NBAS: variants seen among roughly 807,000 people sequenced by gnomAD.
The protein encoded by NBAS is NAG/BC035112 fusion.
NBAS carries 219 observed loss-of-function variants against 302.5 expected under a neutral mutation model. That is an observed-to-expected ratio of 0.72 (90% CI 0.65 to 0.81). NBAS has a LOEUF of 0.81. NBAS is among the 30% of genes least tolerant of loss of function. NBAS has a pLI of 0.00. For missense variants in NBAS, 2,932 were observed against 2,841.6 expected, an observed-to-expected ratio of 1.03 and a Z score of -0.72; for synonymous variants, 1,118 against 1,021.6, an observed-to-expected ratio of 1.09 and a Z score of -1.80.
intron 44 of NBAS, among the ~76,000 whole-genome samples, chr2:15,259,498 T>C (rs1052698723): frequency 6.6e-6 from 1 of 152,234 alleles, no homozygotes; most frequent in Non-Finnish European, 1.5e-5. Flanking sequence ...AACCCCTCTT[T>C]ACAGCAGTTA....
chr2:15,420,064 G>A (rs547820314), intron 23 of NBAS, among the ~76,000 whole-genome samples: 2 of 152,242 alleles, frequency 1.3e-5, no homozygotes, highest in African/African-American at 4.8e-5. Flanking sequence ...AGTATTTGGG[G>A]AGAGGGATCT....
intron 21 of NBAS, among the ~76,000 whole-genome samples, chr2:15,441,747 G>C (rs1235433096): frequency 6.6e-6 from 1 of 152,086 alleles, no homozygotes; most frequent in East Asian, 1.9e-4. Flanking sequence ...TCAGTGTGCT[G>C]TATTCAGGAA....
At chr2:14,827,435 A>G in the NBAS span, among the ~76,000 whole-genome samples, 2 of 152,138 alleles carry the variant, frequency 1.3e-5, no homozygotes, top group Non-Finnish European at 2.9e-5. Context: ...GTCCGTGGGC[A>G]TTTTTTCAGC....
At position 15,551,481 on chromosome 2, in the gene NBAS, G is replaced by C. The variant is rs756357687; in HGVS notation, c.379+12C>G. 3.8e-6 allele frequency: 6 copies of C among 1,587,878 alleles called. No individual in the cohort carries two copies. In the Admixed American group the frequency reaches 1.0e-4, roughly 27 times the overall value. ...GAAATTTTCATTCTTTAAATATTTT[G>C]GAAACTCTTACCTTGACATTTCCCA... On this transcript the variant is annotated intron_variant, in intron 6 of 51. Coordinates refer to ENST00000281513, the MANE Select transcript of NBAS (RefSeq NM_015909.4).
chr2:14,998,043 G>C, the NBAS span, among the ~76,000 whole-genome samples: 1 of 152,082 alleles, frequency 6.6e-6, no homozygotes, highest in South Asian at 2.1e-4. Flanking sequence ...CACCCTACCT[G>C]TGTCAGCAAA....
the NBAS span, among the ~76,000 whole-genome samples, chr2:14,836,677 G>T: frequency 6.6e-6 from 1 of 151,788 alleles, no homozygotes; most frequent in Admixed American, 6.6e-5. Context: ...GCTATGTGAA[G>T]CCCTCTATTA....
At chr2:14,809,415 C>T in the NBAS span, among the ~76,000 whole-genome samples, 2 of 152,324 alleles carry the variant, frequency 1.3e-5, no homozygotes, top group African/African-American at 4.8e-5. Context: ...CCATGGCTAA[C>T]AGGGGTCAAG....
At chr2:15,139,198 G>T in the NBAS span, among the ~76,000 whole-genome samples, 1 of 152,252 alleles carries the variant, frequency 6.6e-6, no homozygotes, top group South Asian at 2.1e-4. Flanking sequence ...CCTTTGAAAT[G>T]TCACTAACAC....
the NBAS span, among the ~76,000 whole-genome samples, chr2:15,105,768 C>T: frequency 3.2e-3 from 483 of 152,180 alleles, 1 homozygote; most frequent in Non-Finnish European, 5.7e-3. Context: ...AAGGACACAC[C>T]ACATAGGTAC....
chr2:15,547,209 C>T (rs981358779), intron 6 of NBAS, among the ~76,000 whole-genome samples: 1 of 152,110 alleles, frequency 6.6e-6, no homozygotes, highest in African/African-American at 2.4e-5. Flanking sequence ...AGAGTAGAAC[C>T]AAATAGCTCC....
chr2:14,911,144 A>C, the NBAS span, among the ~76,000 whole-genome samples: 2 of 152,368 alleles, frequency 1.3e-5, no homozygotes, highest in South Asian at 4.1e-4. Context: ...TTAGCTTTCA[A>C]GATGTTATCG....
At chr2:15,057,079 CT>C in the NBAS span, among the ~76,000 whole-genome samples, 1 of 152,070 alleles carries the variant, frequency 6.6e-6, no homozygotes, top group Non-Finnish European at 1.5e-5. Context: ...ATCTGCCCCC[CT>C]GGGCCTCCCA....
chr2:14,842,857 A>G, the NBAS span, among the ~76,000 whole-genome samples: 1 of 150,982 alleles, frequency 6.6e-6, no homozygotes, highest in Non-Finnish European at 1.5e-5. Flanking sequence ...AAAAAAAAAA[A>G]AAAAAAACAT....
At chr2:14,982,269 G>A in the NBAS span, among the ~76,000 whole-genome samples, 1 of 152,136 alleles carries the variant, frequency 6.6e-6, no homozygotes, top group African/African-American at 2.4e-5. Context: ...CAAGCCCCAA[G>A]ATGACTGCAG....
intron 48 of NBAS, among the ~76,000 whole-genome samples, chr2:15,197,880 C>T (rs1375159420): frequency 2.0e-5 from 3 of 152,184 alleles, no homozygotes; most frequent in Admixed American, 6.5e-5. Flanking sequence ...AAGTCAAATG[C>T]TCTCCATGTT....
At chr2:15,402,093 T>C (rs931367497) in intron 26 of NBAS, 75 bp downstream of exon 26, 1 of 1,548,898 alleles carries the variant, frequency 6.5e-7, no homozygotes, top group Non-Finnish European at 8.9e-7. Context: ...AGGTAAGCAT[T>C]TGGGGAAGCA....
At chr2:15,553,630 C>T (rs1040845474) in intron 4 of NBAS, among the ~76,000 whole-genome samples, 157 bp from the exon 5 acceptor site, 1 of 152,164 alleles carries the variant, frequency 6.6e-6, no homozygotes, top group Non-Finnish European at 1.5e-5. Flanking sequence ...GATGAGGATA[C>T]AGGTACAAAA....
At chr2:15,014,190 G>GT in the NBAS span, among the ~76,000 whole-genome samples, 1 of 152,122 alleles carries the variant, frequency 6.6e-6, no homozygotes, top group African/African-American at 2.4e-5. Flanking sequence ...ATAGACACTT[G>GT]TGAAATAATA....
chr2:15,032,343 C>T, the NBAS span, among the ~76,000 whole-genome samples: 1 of 152,138 alleles, frequency 6.6e-6, no homozygotes, highest in Admixed American at 6.5e-5. Context: ...GATGAGGTCT[C>T]CAGTGGAAAT....
Sources: allele counts gnomAD v4.1 joint callset (sites outside exome capture counted in the v4.1 genomes callset), GRCh38; gene constraint gnomAD v4.1.1; transcripts MANE v1.5; gene names NCBI Gene and HGNC (gene_info 2026-07-23, HGNC 2026-07-21).